Variants in CMSS1 observed in about 807,000 individuals in gnomAD.
The protein encoded by CMSS1 is protein CMSS1.
A neutral mutation model predicts 43.5 loss-of-function variants in CMSS1; 33 were observed. The ratio of observed to expected loss-of-function variants is 0.76; its 90% confidence interval spans 0.57 to 1.01. The LOEUF is 1.01. Among genes scored for constraint, CMSS1 ranks in the 50% least tolerant of loss-of-function variants. The pLI, the probability that CMSS1 is intolerant of heterozygous loss-of-function variation, is 0.00. For missense variants in CMSS1, 313 were observed against 326.4 expected (o/e 0.96, Z 0.32); for synonymous variants, 115 against 117.2 (o/e 0.98, Z 0.12).
rs1158141274 is a variant in CMSS1 at position 99,888,546 on chromosome 3, G to A, written c.64+70503G>A. Among the ~76,000 whole-genome samples, 12 of 152,240 alleles carry A rather than the reference G, an allele frequency of 7.9e-5. No individual in the cohort carries two copies. The South Asian group carries it at 8.3e-4, about 11-fold the overall frequency. On this transcript the variant is annotated intron_variant, in intron 1 of 9. Coordinates refer to ENST00000421999, the MANE Select transcript of CMSS1 (RefSeq NM_032359.4). ...CTGAATATTAATGAGTTGGTTCGTT[G>A]GTTGGTTTTGTAGAGGTGCCTGTTT...
At chr3:100,045,924 G>C (rs1222932287) in intron 1 of CMSS1, among the ~76,000 whole-genome samples, 2 of 152,092 alleles carry the variant, frequency 1.3e-5, no homozygotes, top group East Asian at 3.9e-4. Flanking sequence ...ACTGGGGAAG[G>C]GGGAGGAGGC....
At chr3:100,013,214 G>GTGGTGT (rs377072581) in intron 1 of CMSS1, among the ~76,000 whole-genome samples, 42 of 145,520 alleles carry the variant, frequency 2.9e-4, no homozygotes, top group East Asian at 4.3e-4. Flanking sequence ...GGCCAGTGAG[G>GTGGTGT]TGTTGTTGTT....
intron 5 of CMSS1, among the ~76,000 whole-genome samples, chr3:100,166,977 G>A (rs1312476269): frequency 2.0e-5 from 3 of 151,958 alleles, no homozygotes; most frequent in African/African-American, 7.2e-5. Flanking sequence ...CAAACTCCTG[G>A]GCTCAAGAGA....
intron 1 of CMSS1, among the ~76,000 whole-genome samples, chr3:99,897,314 A>C (rs1051981007): frequency 6.6e-6 from 1 of 151,984 alleles, no homozygotes; most frequent in Non-Finnish European, 1.5e-5. Context: ...GGTTGCAGGG[A>C]GCCGAGATTG....
intron 1 of CMSS1, among the ~76,000 whole-genome samples, chr3:99,902,188 G>C (rs899617455): frequency 6.6e-6 from 1 of 152,248 alleles, no homozygotes; most frequent in Non-Finnish European, 1.5e-5. Flanking sequence ...CTGACTCTTA[G>C]TATTCGAGAC....
chr3:100,001,922 A>G (rs1394160604), intron 1 of CMSS1, among the ~76,000 whole-genome samples: 2 of 152,144 alleles, frequency 1.3e-5, no homozygotes, highest in Non-Finnish European at 1.5e-5. Context: ...GGTGTCGCCT[A>G]TGAGGGAAGC....
At chr3:99,913,087 G>A (rs560046728) in intron 1 of CMSS1, among the ~76,000 whole-genome samples, 1 of 151,952 alleles carries the variant, frequency 6.6e-6, no homozygotes, top group East Asian at 1.9e-4. Flanking sequence ...GAAACAAGGA[G>A]ACGACAGCGG....
rs556144125 is a variant in CMSS1 at position 99,817,969 on chromosome 3, C to T, written c.-11C>T. ...CCGTGATGTTCTGCCCACGTCGAGA[C>T]CTGAGCTGAAATGGCAGACGATCTC... On this transcript the variant is annotated 5_prime_UTR_variant, in exon 1 of 10. Coordinates refer to ENST00000421999, the MANE Select transcript of CMSS1 (RefSeq NM_032359.4). The T allele has an allele frequency of 1.2e-4, 199 of 1,613,986 alleles. 4 individuals carry two copies. The South Asian group carries it at 2.1e-3, about 17-fold the overall frequency.
At chr3:100,176,192 T>G (rs2067146668) in intron 8 of CMSS1, 135 bp from the exon 9 acceptor site, 3 of 594,212 alleles carry the variant, frequency 5.0e-6, no homozygotes, top group Non-Finnish European at 9.0e-6. Flanking sequence ...AGGGCAGCAC[T>G]TAATGTGCGG....
chr3:100,037,881 C>G (rs2065133766), intron 1 of CMSS1, among the ~76,000 whole-genome samples: 1 of 151,262 alleles, frequency 6.6e-6, no homozygotes, highest in Non-Finnish European at 1.5e-5. Flanking sequence ...ACCTGAGTAG[C>G]TTTACAGCCA....
intron 7 of CMSS1, 139 bp downstream of exon 7, chr3:100,172,038 T>C: frequency 1.4e-6 from 1 of 725,406 alleles, no homozygotes; most frequent in East Asian, 2.7e-5. Context: ...TTTCTGGTTT[T>C]TTAAATTCTA....
At chr3:100,167,961 G>A in intron 6 of CMSS1, 121 bp downstream of exon 6, 2 of 568,218 alleles carry the variant, frequency 3.5e-6, no homozygotes, top group Non-Finnish European at 6.1e-6. Flanking sequence ...TGCCCTCATG[G>A]AATTTATATT....
intron 1 of CMSS1, among the ~76,000 whole-genome samples, chr3:99,945,680 G>C (rs1348953919): frequency 6.6e-6 from 1 of 152,182 alleles, no homozygotes; most frequent in Admixed American, 6.5e-5. Context: ...GTCAATTTCA[G>C]CATGCAAAAC....
chr3:100,072,587 C>T (rs1037836990), intron 1 of CMSS1, among the ~76,000 whole-genome samples: 8 of 152,168 alleles, frequency 5.3e-5, no homozygotes, highest in South Asian at 2.1e-4. Flanking sequence ...AACTGTCAAC[C>T]GACCATCGCA....
intron 2 of CMSS1, among the ~76,000 whole-genome samples, chr3:100,154,001 C>T (rs13094890): frequency 0.063 from 9,561 of 152,156 alleles, 360 homozygotes; most frequent in Non-Finnish European, 0.071. Context: ...CAGGCATCTG[C>T]CATCATGCCT....
chr3:100,080,255 T>C lies in CMSS1; in HGVS notation c.65-66718T>C, dbSNP rs184167677. Among the ~76,000 whole-genome samples, 35 of 152,218 alleles carry C rather than the reference T, an allele frequency of 2.3e-4. 1 individual carries two copies. The highest frequency in any genetic ancestry group is 2.2e-3 in the Admixed American group (34 of 15,286). On this transcript the variant is annotated intron_variant, in intron 1 of 9. Coordinates refer to ENST00000421999, the MANE Select transcript of CMSS1 (RefSeq NM_032359.4). ...GCCTTGGCCTCCCAAAGTATTGGGA[T>C]TACAAGCATGAACCACTGCACCCGG...
chr3:100,047,130 A>C (rs1049880840), intron 1 of CMSS1, among the ~76,000 whole-genome samples: 2 of 152,234 alleles, frequency 1.3e-5, no homozygotes, highest in Non-Finnish European at 2.9e-5. Flanking sequence ...CTTGTTGGTA[A>C]AATGGGTATA....
At chr3:99,903,726 G>C (rs1287331395) in intron 1 of CMSS1, among the ~76,000 whole-genome samples, 5 of 152,130 alleles carry the variant, frequency 3.3e-5, no homozygotes, top group Admixed American at 3.3e-4. Context: ...GCTACCATGA[G>C]AAACTGGGAC....
At chr3:100,114,635 G>A (rs1399908395) in intron 1 of CMSS1, 1 of 212,574 alleles carries the variant, frequency 4.7e-6, no homozygotes, top group Non-Finnish European at 9.3e-6. Context: ...TGCACATCTT[G>A]GCTGAGAGTA....
Sources: allele counts gnomAD v4.1 joint callset (sites outside exome capture counted in the v4.1 genomes callset), GRCh38; gene constraint gnomAD v4.1.1; transcripts MANE v1.5; gene names NCBI Gene and HGNC (gene_info 2026-07-23, HGNC 2026-07-21).